The following YBX2 variants were observed in gnomAD, a reference collection of about 807,000 sequenced individuals.
YBX2 encodes Y-box-binding protein 2.
In YBX2, 5 loss-of-function variants were observed where a neutral mutation model predicts 44.4. That is an observed-to-expected ratio of 0.11 (90% CI 0.06 to 0.24). The LOEUF is 0.24. Ranked by LOEUF, YBX2 falls within the 10% of genes least tolerant of loss-of-function variation. The pLI is 1.00. For synonymous variants in YBX2, 188 were observed against 216.1 expected, an observed-to-expected ratio of 0.87 and a Z score of 1.14; for missense variants, 417 against 526.9, an observed-to-expected ratio of 0.79 and a Z score of 2.04.
Position 7,291,296 on chromosome 17 carries a change from G to T in YBX2, c.370-114C>A. The T allele has an allele frequency of 9.5e-7, 1 of 1,054,208 alleles. No individual in the cohort carries two copies. Among genetic ancestry groups the T allele is most frequent in the Non-Finnish European group, 1.4e-6 (1 of 692,172 alleles). The allele number at this position is 1,054,208 out of a possible 1,614,324, so 65.3% of individuals were successfully genotyped here. A position where few individuals can be genotyped will look rare whatever the true frequency, so the allele number is the denominator to read the frequency against. On this transcript the variant is annotated intron_variant, in intron 3 of 8. Coordinates refer to ENST00000007699, the MANE Select transcript of YBX2 (RefSeq NM_015982.4). This position sits in a 1 kb window ranked among gnomAD's most constrained non-coding sequence, Gnocchi z 5.8. ...TTCAACATTTGACTTGGGGTCTAGAGCTGGAGGGTGGAGCAAGGAGGTGGT... is the reference window on the plus strand; with the variant it reads ...TTCAACATTTGACTTGGGGTCTAGATCTGGAGGGTGGAGCAAGGAGGTGGT...
rs1186432531 is a variant in YBX2, at chr17:7,291,584, G to A, written c.370-402C>T. 3 of 386,588 alleles carry A rather than the reference G, an allele frequency of 7.8e-6. No homozygotes were observed. The highest frequency in any genetic ancestry group is 6.2e-5 in the East Asian group (1 of 16,184). The allele number at this position is 386,588 out of a possible 1,614,324, so 23.9% of individuals were successfully genotyped here. The stretch of plus-strand genomic sequence containing the variant: ...CAAGCAGTGGTTCTCAAGCTGTAGC[G>A]TGCATCAGAATCACCTGGAGAGCTC... On this transcript the variant is annotated intron_variant, in intron 3 of 8. Coordinates refer to ENST00000007699, the MANE Select transcript of YBX2 (RefSeq NM_015982.4). This position sits in a 1 kb window ranked among gnomAD's most constrained non-coding sequence, Gnocchi z 5.8.
Position 7,289,585 on chromosome 17 carries a change from T to C in YBX2, c.989A>G (p.Gln330Arg), listed in dbSNP as rs918396042. Residue 330 changes from glutamine to arginine, a missense_variant, in exon 7 of 9, where the codon CAG becomes CGG. Gln to Arg is a conservative substitution (Grantham distance 43). Transcript: ENST00000007699. ...GGCCTGCTGGGGGCCAGGGGCCTGCTGCCGTCTCCGCTGGAAGTAGGGGCG... is the reference window on the plus strand; with the variant it reads ...GGCCTGCTGGGGGCCAGGGGCCTGCCGCCGTCTCCGCTGGAAGTAGGGGCG... ...RNRPYFQRRR[Q>R]QAPGPQQAPG... 6.2e-7 allele frequency: 1 copy of C among 1,613,254 alleles called. No individual in the cohort carries two copies. Among genetic ancestry groups the C allele is most frequent in the Non-Finnish European group, 8.5e-7 (1 of 1,179,720 alleles).
Position 7,289,861 on chromosome 17 carries a change from C to G in YBX2, c.848+107G>C, listed in dbSNP as rs2072486875. On this transcript the variant is annotated intron_variant, in intron 6 of 8. Transcript: ENST00000007699. ...CCTCCCCGCAAGGCACCTGTCTCGC[C>G]AGGAGCCCAGGCTCTGCCTAGAGCT... The G allele has an allele frequency of 1.2e-5, 19 of 1,583,766 alleles. No individual in the cohort carries two copies. The South Asian group carries it at 2.0e-4, about 17-fold the overall frequency.
intron 7 of YBX2, among the ~76,000 whole-genome samples, chr17:7,289,272 C>T (rs2072478706): frequency 7.1e-6 from 1 of 141,268 alleles, no homozygotes; most frequent in Admixed American, 7.4e-5. Context: ...AGGATGGCTC[C>T]AGGCAGCAAG....
Position 7,294,606 on chromosome 17 carries a change from C to A in YBX2, c.-106G>T. The A allele has an allele frequency of 1.7e-6, 2 of 1,195,184 alleles. No individual in the cohort carries two copies. Among genetic ancestry groups the A allele is most frequent in the Non-Finnish European group, 1.0e-6 (1 of 960,090 alleles). 74.0% of individuals were successfully genotyped at this position (1,195,184 alleles called of 1,614,324 possible). On this transcript the variant is annotated 5_prime_UTR_variant, in exon 1 of 9. Coordinates refer to ENST00000007699, the MANE Select transcript of YBX2 (RefSeq NM_015982.4). This position sits in a 1 kb window ranked among gnomAD's most constrained non-coding sequence, Gnocchi z 4.6. Reference sequence around the variant, plus strand: ...CCTCGCGCCCCGAGCCTCGCCCACACGCCGGCAGCGGGCCCGGAGCCGAGG... The same window carrying A: ...CCTCGCGCCCCGAGCCTCGCCCACAAGCCGGCAGCGGGCCCGGAGCCGAGG...
intron 1 of YBX2, 149 bp from the exon 2 acceptor site, chr17:7,293,687 T>A: frequency 6.8e-7 from 1 of 1,476,654 alleles, no homozygotes; most frequent in Non-Finnish European, 9.1e-7. Flanking sequence ...GTTTCACTAG[T>A]AGCTTCAAGG....
Position 7,291,922 on chromosome 17 carries a change from G to T in YBX2, c.369+104C>A. ...GCACCCAAGGCGGATGGGCCGTTGT[G>T]AAGAAGAGCCAGAGAAACATGGCGG... On this transcript the variant is annotated intron_variant, in intron 3 of 8. Transcript: ENST00000007699. The surrounding 1 kb of genome is among the most constrained non-coding windows in gnomAD (Gnocchi z 5.8). 6.8e-7 allele frequency: 1 copy of T among 1,466,970 alleles called. No individual in the cohort carries two copies. Among genetic ancestry groups the T allele is most frequent in the South Asian group, 1.1e-5 (1 of 87,760 alleles). The allele number at this position is 1,466,970 out of a possible 1,614,324, so 90.9% of individuals were successfully genotyped here. A position where few individuals can be genotyped will look rare whatever the true frequency, so the allele number is the denominator to read the frequency against.
In YBX2 at chr17:7,289,522, G is replaced by T. The variant is rs1419720406; in HGVS notation, c.1044+8C>A. On this transcript the variant is annotated splice_region_variant and intron_variant, in intron 7 of 8. Transcript: ENST00000007699. ...CCTTTTCTTTCATCCCACATCTGAG[G>T]TCCTCACCTCAGGGGCTGCGGGCTG... 2.5e-6 allele frequency: 4 copies of T among 1,594,702 alleles called. No individual in the cohort carries two copies. The highest frequency in any genetic ancestry group is 3.4e-6 in the Non-Finnish European group (4 of 1,170,092).
intron 4 of YBX2, 31 bp from the exon 5 acceptor site, chr17:7,290,566 C>G (rs749573958): frequency 6.2e-7 from 1 of 1,605,034 alleles, no homozygotes; most frequent in South Asian, 1.1e-5. Flanking sequence ...TAGTGAGAAC[C>G]TGCTCCAACA....
intron 2 of YBX2, chr17:7,292,861 G>A (rs1022208092): frequency 6.2e-6 from 1 of 160,826 alleles, no homozygotes; most frequent in African/African-American, 2.4e-5. Context: ...GGCCTCCCAG[G>A]AGAGCCAGGC....
rs959209188 is a variant in YBX2 at position 7,294,268 on chromosome 17, G to A, written c.233C>T (p.Ala78Val). The A allele has an allele frequency of 2.4e-6, 3 of 1,275,086 alleles. No homozygotes were observed. The highest frequency in any genetic ancestry group is 2.9e-6 in the Non-Finnish European group (3 of 1,017,248). The allele number at this position is 1,275,086 out of a possible 1,614,324, so 79.0% of individuals were successfully genotyped here. ...NPATAVSGTP[A>V]PPARSQADKP... The stretch of plus-strand genomic sequence containing the variant: ...GTCCGCCTGACTCCGGGCCGGGGGG[G>A]CGGGGGTTCCCGAGACCGCCGTCGC... The change falls in exon 1 of 9, where the codon GCC becomes GTC. Residue 78 changes from alanine to valine, a missense_variant. Physicochemically the swap from Ala to Val is moderately conservative, Grantham distance 64 (BLOSUM62 0). Coordinates refer to ENST00000007699, the MANE Select transcript of YBX2 (RefSeq NM_015982.4). This position sits in a 1 kb window ranked among gnomAD's most constrained non-coding sequence, Gnocchi z 4.6.
chr17:7,293,869 T>G (rs1046183364), intron 1 of YBX2: 2 of 523,184 alleles, frequency 3.8e-6, no homozygotes, highest in Admixed American at 3.3e-5. Context: ...ACTGAGGGTT[T>G]TTCTAGCCCT....
At chr17:7,288,700 C>T (rs2072473139) in intron 8 of YBX2, 49 bp downstream of exon 8, 1 of 1,494,988 alleles carries the variant, frequency 6.7e-7, no homozygotes, top group South Asian at 1.1e-5. Flanking sequence ...TCATCGCCAC[C>T]CAGTACCTCA....
chr17:7,289,577 G>T lies in YBX2; in HGVS notation c.997C>A (p.Pro333Thr). The part of the protein sequence containing the change: ...PYFQRRRQQA[P>T]GPQQAPGPRQ... ...GGGCCAGGGGCCTGCTGGGGGCCAG[G>T]GGCCTGCTGCCGTCTCCGCTGGAAG... Residue 333 changes from proline (P) to threonine (T), a missense_variant, in exon 7 of 9, where the codon CCT becomes ACT. Pro to Thr is a conservative substitution (Grantham distance 38, BLOSUM62 -1). Coordinates refer to ENST00000007699, the MANE Select transcript of YBX2 (RefSeq NM_015982.4). The T allele has an allele frequency of 6.2e-7, 1 of 1,612,718 alleles. No homozygotes were observed. The highest frequency in any genetic ancestry group is 8.5e-7 in the Non-Finnish European group (1 of 1,179,434).
Position 7,291,226 on chromosome 17 carries a change from G to T in YBX2, c.370-44C>A. The T allele has an allele frequency of 6.3e-7, 1 of 1,594,600 alleles. No homozygotes were observed. Among genetic ancestry groups the T allele is most frequent in the Non-Finnish European group, 8.6e-7 (1 of 1,162,530 alleles). ...ATGTGAAAAGTGAGACAGCAAGACAGGAGTCTCTGTCACCCCTGCTGGGGC... is the reference window on the plus strand; with the variant it reads ...ATGTGAAAAGTGAGACAGCAAGACATGAGTCTCTGTCACCCCTGCTGGGGC... On this transcript the variant is annotated intron_variant, in intron 3 of 8. Transcript: ENST00000007699. The surrounding 1 kb of genome is among the most constrained non-coding windows in gnomAD (Gnocchi z 5.8).
At position 7,294,517 on chromosome 17, in the gene YBX2, C is replaced by T. The variant is rs1170593352; in HGVS notation, c.-17G>A. 2.8e-6 allele frequency: 4 copies of T among 1,446,638 alleles called. No homozygotes were observed. In the African/African-American group the frequency reaches 4.4e-5, roughly 16 times the overall value. 89.6% of individuals were successfully genotyped at this position (1,446,638 alleles called of 1,614,324 possible). A position where few individuals can be genotyped will look rare whatever the true frequency, so the allele number is the denominator to read the frequency against. On this transcript the variant is annotated 5_prime_UTR_variant, in exon 1 of 9. Transcript: ENST00000007699. This position sits in a 1 kb window ranked among gnomAD's most constrained non-coding sequence, Gnocchi z 4.6. ...CTCGCTCATCCCGCCGGGTCCAGTA[C>T]CGGCCACAGCCGCCACCGCCCCGGC...
rs1051207374 is a variant in YBX2, at chr17:7,294,425, C to T, written c.76G>A (p.Val26Ile). 2.7e-5 allele frequency: 40 copies of T among 1,466,932 alleles called. No homozygotes were observed. The African/African-American group carries it at 5.7e-4, about 21-fold the overall frequency. The allele number at this position is 1,466,932 out of a possible 1,614,324, so 90.9% of individuals were successfully genotyped here. The change falls in exon 1 of 9, where the codon GTA becomes ATA. Residue 26 changes from valine to isoleucine, a missense_variant. Physicochemically the swap from Val to Ile is conservative, Grantham distance 29. Coordinates refer to ENST00000007699, the MANE Select transcript of YBX2 (RefSeq NM_015982.4). The surrounding 1 kb of genome is among the most constrained non-coding windows in gnomAD (Gnocchi z 4.6). Reference protein sequence around the residue: ...ATVPATAAGVVAVVVPVPAGE... With the variant: ...ATVPATAAGVIAVVVPVPAGE... ...GCGGGCACCGGTACCACCACCGCTA[C>T]CACCCCTGCCGCCGTCGCGGGCACC... is the stretch of plus-strand genomic sequence containing the variant.
At position 7,294,373 on chromosome 17, in the gene YBX2, G is replaced by A. The variant is rs1421653548; in HGVS notation, c.128C>T (p.Ala43Val). The A allele has an allele frequency of 5.0e-6, 7 of 1,407,420 alleles. No individual in the cohort carries two copies. In the African/African-American group the frequency reaches 6.0e-5, roughly 12 times the overall value. 87.2% of individuals were successfully genotyped at this position (1,407,420 alleles called of 1,614,324 possible). A position where few individuals can be genotyped will look rare whatever the true frequency, so the allele number is the denominator to read the frequency against. Residue 43 changes from alanine to valine, a missense_variant, in exon 1 of 9, where the codon GCG becomes GTG. Transcript: ENST00000007699. The surrounding 1 kb of genome is among the most constrained non-coding windows in gnomAD (Gnocchi z 4.6). ...PAGEPQKGGG[A>V]GGGGGAASGP... is the part of the protein sequence containing the mutation. The stretch of plus-strand genomic sequence containing the variant: ...CGAGGCGGCTCCGCCCCCGCCGCCC[G>A]CCCCGCCGCCTTTCTGCGGCTCCCC...
In YBX2 at chr17:7,289,543, G is replaced by A; in HGVS notation, c.1031C>T (p.Pro344Leu). The A allele has an allele frequency of 6.2e-7, 1 of 1,606,290 alleles. No homozygotes were observed. The highest frequency in any genetic ancestry group is 1.7e-4 in the Middle Eastern group (1 of 5,762). The part of the protein sequence containing the change: ...GPQQAPGPRQ[P>L]AAPETSAPVN... ...TGAGGTCCTCACCTCAGGGGCTGCG[G>A]GCTGCCGGGGGCCAGGGGCCTGCTG... The change falls in exon 7 of 9, where the codon CCC becomes CTC. Residue 344 changes from proline to leucine, a missense_variant. Transcript: ENST00000007699.
Sources: gnomAD v4.1 joint callset for allele counts (sites outside exome capture counted in the v4.1 genomes callset) on GRCh38, gnomAD v4.1.1 for gene constraint, Gnocchi (gnomAD v3.1) non-coding constraint, MANE v1.5 for transcripts, NCBI Gene and HGNC (gene_info 2026-07-23, HGNC 2026-07-21) for gene names.